CRIPT: variants seen among roughly 807,000 people sequenced by gnomAD.
CRIPT encodes the protein CXXC repeat containing interactor of PDZ3 domain, also known as cysteine-rich PDZ-binding protein.
In CRIPT, 20 loss-of-function variants were observed where a neutral mutation model predicts 16.6. The observed-to-expected ratio is 1.20, with a 90% CI of 0.85 to 1.75. The LOEUF (loss-of-function observed/expected upper bound fraction) is 1.75, where lower values mean the gene tolerates loss of function less well. Among genes scored for constraint, CRIPT ranks in the 40% most tolerant of loss-of-function variants. CRIPT has a pLI of 0.00. For synonymous variants in CRIPT, 42 were observed against 37.0 expected, an observed-to-expected ratio of 1.14 and a Z score of -0.49; for missense variants, 133 against 115.3, an observed-to-expected ratio of 1.15 and a Z score of -0.70.
intron 3 of CRIPT, among the ~76,000 whole-genome samples, chr2:46,620,009 G>A (rs1459683366): frequency 6.6e-6 from 1 of 152,168 alleles, no homozygotes; most frequent in Non-Finnish European, 1.5e-5. Context: ...ACCTAAATTT[G>A]AATCTAGACT....
intron 1 of CRIPT, 93 bp downstream of exon 1, chr2:46,617,391 G>C: frequency 7.2e-7 from 1 of 1,385,728 alleles, no homozygotes; most frequent in Admixed American, 2.2e-5. Flanking sequence ...TTTTTTCTTC[G>C]CCCACAGGTC....
At chr2:46,619,559 G>A (rs1397793452) in intron 2 of CRIPT, 68 bp from the exon 3 acceptor site, 2 of 1,079,318 alleles carry the variant, frequency 1.9e-6, no homozygotes, top group African/African-American at 3.3e-5. Context: ...GTCAAGGAAT[G>A]AACTTCTTAA....
At chr2:46,619,541 G>C in intron 2 of CRIPT, 86 bp from the exon 3 acceptor site, 1 of 822,622 alleles carries the variant, frequency 1.2e-6, no homozygotes. Context: ...CTACTATTTT[G>C]GTAGAAAGTC....
intron 1 of CRIPT, 59 bp from the exon 2 acceptor site, chr2:46,618,714 T>C (rs967128820): frequency 2.7e-6 from 3 of 1,096,714 alleles, no homozygotes; most frequent in Non-Finnish European, 4.1e-6. Context: ...TTAGGCACAA[T>C]GTAATGCACT....
rs1440366507 is a variant in CRIPT, at chr2:46,625,026, A to G, written c.*799A>G. ...CCTCCTGTCTTGCCCCCTAAAAGAA[A>G]TAAATAGAGCAAACATCTTGACTCT... On this transcript the variant is annotated 3_prime_UTR_variant, in exon 5 of 5. Coordinates refer to ENST00000238892, the MANE Select transcript of CRIPT (RefSeq NM_014171.6). 2 of 150,918 alleles carry G rather than the reference A, an allele frequency of 1.3e-5. No individual in the cohort carries two copies. The highest frequency in any genetic ancestry group is 2.9e-5 in the Non-Finnish European group (2 of 67,818). 9.3% of individuals were successfully genotyped at this position (150,918 alleles called of 1,614,324 possible). A position where few individuals can be genotyped will look rare whatever the true frequency, so the allele number is the denominator to read the frequency against.
Position 46,617,221 on chromosome 2 carries a change from T to A in CRIPT, c.-62T>A. On this transcript the variant is annotated 5_prime_UTR_variant, in exon 1 of 5. The change creates a new upstream start codon in the 5' untranslated region. Coordinates refer to ENST00000238892, the MANE Select transcript of CRIPT (RefSeq NM_014171.6). ...AGGGGAATACTTCCAAGTTGTAGTG[T>A]TGTTGTTTTCAGCCTGCTGCTGCTG... 6.5e-7 allele frequency: 1 copy of A among 1,549,812 alleles called. No homozygotes were observed. Among genetic ancestry groups the A allele is most frequent in the Non-Finnish European group, 8.7e-7 (1 of 1,145,818 alleles).
intron 3 of CRIPT, among the ~76,000 whole-genome samples, chr2:46,621,949 A>T (rs1400785834): frequency 6.6e-6 from 1 of 152,232 alleles, no homozygotes; most frequent in African/African-American, 2.4e-5. Context: ...ATATCATTAA[A>T]AAGTAGCTGT....
At chr2:46,621,815 A>G (rs562980163) in intron 3 of CRIPT, among the ~76,000 whole-genome samples, 7 of 152,296 alleles carry the variant, frequency 4.6e-5, no homozygotes, top group Admixed American at 2.6e-4. Flanking sequence ...TTCACACTAT[A>G]TATTATTGAC....
chr2:46,623,642 A>C, intron 3 of CRIPT, 122 bp from the exon 4 acceptor site: 1 of 583,962 alleles, frequency 1.7e-6, no homozygotes, highest in Non-Finnish European at 3.1e-6. Context: ...TAAACCCATC[A>C]ATTGTAGAGG....
At chr2:46,621,320 T>G (rs1670799331) in intron 3 of CRIPT, among the ~76,000 whole-genome samples, 1 of 152,172 alleles carries the variant, frequency 6.6e-6, no homozygotes, top group African/African-American at 2.4e-5. Context: ...CTTTATTAGT[T>G]CTGCCAAGCC....
intron 3 of CRIPT, 101 bp downstream of exon 3, chr2:46,619,782 C>A: frequency 1.1e-6 from 1 of 906,570 alleles, no homozygotes; most frequent in Non-Finnish European, 1.7e-6. Context: ...TGCAATAAAA[C>A]AGAGTTAGGT....
In CRIPT at chr2:46,619,677, G is replaced by A. The variant is rs759346570; in HGVS notation, c.133G>A (p.Ala45Thr). 2.5e-6 allele frequency: 4 copies of A among 1,610,700 alleles called. No individual in the cohort carries two copies. Among genetic ancestry groups the A allele is most frequent in the Admixed American group, 1.7e-5 (1 of 59,612 alleles). The change falls in exon 3 of 5, where the codon GCA (alanine) becomes ACA (threonine). Residue 45 changes from alanine to threonine, a missense_variant. Physicochemically the swap from Ala to Thr is moderately conservative, Grantham distance 58. Coordinates refer to ENST00000238892, the MANE Select transcript of CRIPT (RefSeq NM_014171.6). ...NENKALTSKK[A>T]RFDPYGKNKF... ...AAATAAAGCTTTGACTTCAAAAAAA[G>A]CAAGGTGGGTAAGAGGATCCATCGA...
rs1401930894 is a variant in CRIPT, at chr2:46,628,054, G to GT, written c.*3831dup. Among the ~76,000 whole-genome samples the GT allele has an allele frequency of 1.3e-4, 20 of 148,256 alleles. No homozygotes were observed. The highest frequency in any genetic ancestry group is 5.0e-4 in the African/African-American group (20 of 40,292). Reference sequence around the variant, plus strand: ...TCAGGTAATGTGATACCTCAGCTTTGTTTTATTTGCTTAGGATTGATTTTT... The same window carrying GT: ...TCAGGTAATGTGATACCTCAGCTTTGTTTTTATTTGCTTAGGATTGATTTTT... On this transcript the variant is annotated 3_prime_UTR_variant, in exon 5 of 5. Transcript: ENST00000238892.
chr2:46,629,325 A>G lies in CRIPT; in HGVS notation c.*5098A>G, dbSNP rs989522743. The stretch of plus-strand genomic sequence containing the variant: ...TACTCTTTACCCTTTAACACTACAC[A>G]TGCACTTCATAAGAACAAGCATGCT... On this transcript the variant is annotated 3_prime_UTR_variant, in exon 5 of 5. Coordinates refer to ENST00000238892, the MANE Select transcript of CRIPT (RefSeq NM_014171.6). Among the ~76,000 whole-genome samples the G allele has an allele frequency of 6.6e-6, 1 of 152,228 alleles. No individual in the cohort carries two copies. Among genetic ancestry groups the G allele is most frequent in the African/African-American group, 2.4e-5 (1 of 41,458 alleles).
intron 3 of CRIPT, among the ~76,000 whole-genome samples, 196 bp from the exon 4 acceptor site, chr2:46,623,568 C>G (rs1439276421): frequency 6.6e-6 from 1 of 152,072 alleles, no homozygotes; most frequent in Non-Finnish European, 1.5e-5. Context: ...AAGTATATAT[C>G]TCACATGGAT....
In CRIPT at chr2:46,628,359, C is replaced by T. The variant is rs1670993375; in HGVS notation, c.*4132C>T. Among the ~76,000 whole-genome samples the T allele has an allele frequency of 6.6e-6, 1 of 152,160 alleles. No individual in the cohort carries two copies. Among genetic ancestry groups the T allele is most frequent in the Non-Finnish European group, 1.5e-5 (1 of 68,036 alleles). On this transcript the variant is annotated 3_prime_UTR_variant, in exon 5 of 5. Coordinates refer to ENST00000238892, the MANE Select transcript of CRIPT (RefSeq NM_014171.6). ...ACTCCTGACGTTGTGATCCACCCGCCTCAGCCTCCCAAAGTGCTGGGATTA... is the reference window on the plus strand; with the variant it reads ...ACTCCTGACGTTGTGATCCACCCGCTTCAGCCTCCCAAAGTGCTGGGATTA...
At position 46,624,314 on chromosome 2, in the gene CRIPT, A is replaced by G; in HGVS notation, c.*87A>G. On this transcript the variant is annotated 3_prime_UTR_variant, in exon 5 of 5. Coordinates refer to ENST00000238892, the MANE Select transcript of CRIPT (RefSeq NM_014171.6). ...CATAGATGTCAACTTACAGAATAAC[A>G]TGTTTTAAGATAATTAAGTTTAAAC... 6 of 793,336 alleles carry G rather than the reference A, an allele frequency of 7.6e-6. No individual in the cohort carries two copies. The highest frequency in any genetic ancestry group is 1.1e-5 in the Non-Finnish European group (6 of 527,822). 49.1% of individuals were successfully genotyped at this position (793,336 alleles called of 1,614,324 possible).
chr2:46,618,620 T>C (rs987392357), intron 1 of CRIPT, among the ~76,000 whole-genome samples, 153 bp from the exon 2 acceptor site: 1 of 152,214 alleles, frequency 6.6e-6, no homozygotes, highest in Non-Finnish European at 1.5e-5. Flanking sequence ...CCACAGTTAA[T>C]ATGAGTCTCA....
rs561945037 is a variant in CRIPT at position 46,622,364 on chromosome 2, C to T, written c.138-1400C>T. 5.0e-3 allele frequency among the ~76,000 whole-genome samples: 695 copies of T among 139,040 alleles called. 3 individuals carry two copies. Among genetic ancestry groups the T allele is most frequent in the African/African-American group, 0.015 (547 of 37,154 alleles). 91.2% of individuals were successfully genotyped at this position (139,040 alleles called of 152,430 possible). A position where few individuals can be genotyped will look rare whatever the true frequency, so the allele number is the denominator to read the frequency against. ...CAGCCTGGGCGACAGAGCGAGACTCCGTCTCAAAAAAAAAAAAAAAAGATT... is the reference window on the plus strand; with the variant it reads ...CAGCCTGGGCGACAGAGCGAGACTCTGTCTCAAAAAAAAAAAAAAAAGATT... On this transcript the variant is annotated intron_variant, in intron 3 of 4. Coordinates refer to ENST00000238892, the MANE Select transcript of CRIPT (RefSeq NM_014171.6).
Sources: gnomAD v4.1 joint callset for allele counts (sites outside exome capture counted in the v4.1 genomes callset) on GRCh38, gnomAD v4.1.1 for gene constraint, MANE v1.5 for transcripts, NCBI Gene and HGNC (gene_info 2026-07-23, HGNC 2026-07-21) for gene names.